Variants in MSI2 observed in about 807,000 individuals in gnomAD.
MSI2 encodes musashi RNA binding protein 2.
In MSI2, 17 loss-of-function variants were observed where a neutral mutation model predicts 45.6. The ratio of observed to expected loss-of-function variants is 0.37; its 90% CI spans 0.26 to 0.56. MSI2 has a LOEUF of 0.56. Among genes scored for constraint, MSI2 ranks in the 20% least tolerant of loss-of-function variants. MSI2 has a pLI of 0.77. For missense variants in MSI2, 293 were observed against 444.2 expected, an observed-to-expected ratio of 0.66 and a Z score of 3.06; for synonymous variants, 156 against 158.2, an observed-to-expected ratio of 0.99 and a Z score of 0.11.
chr17:57,511,277 G>C (rs1181007350), intron 6 of MSI2, among the ~76,000 whole-genome samples: 1 of 152,172 alleles, frequency 6.6e-6, no homozygotes, highest in Non-Finnish European at 1.5e-5. Context: ...CGTCAGGGTG[G>C]AACAAAGGAA....
At chr17:57,326,901 C>T (rs1200096517) in intron 5 of MSI2, among the ~76,000 whole-genome samples, 1 of 152,136 alleles carries the variant, frequency 6.6e-6, no homozygotes, top group African/African-American at 2.4e-5. Flanking sequence ...AGTGTTTGTG[C>T]CTTCTGGCTG....
chr17:57,514,831 C>T (rs965906981), intron 6 of MSI2, among the ~76,000 whole-genome samples: 2 of 151,848 alleles, frequency 1.3e-5, no homozygotes, highest in African/African-American at 4.8e-5. Flanking sequence ...AATTTCCAAC[C>T]TCTCAGGGTC....
chr17:57,469,123 G>A (rs976268796), intron 6 of MSI2, among the ~76,000 whole-genome samples: 1 of 152,178 alleles, frequency 6.6e-6, no homozygotes, highest in Admixed American at 6.5e-5. Flanking sequence ...GCCTCTTTGT[G>A]CTCTGAAATC....
At chr17:57,430,134 T>C (rs1162781044) in intron 6 of MSI2, among the ~76,000 whole-genome samples, 2 of 152,194 alleles carry the variant, frequency 1.3e-5, no homozygotes, top group Non-Finnish European at 2.9e-5. Flanking sequence ...TTGAGGTTGT[T>C]AGCGTGTGAC....
At chr17:57,419,189 T>C (rs879818762) in intron 6 of MSI2, among the ~76,000 whole-genome samples, 17 of 151,766 alleles carry the variant, frequency 1.1e-4, no homozygotes, top group African/African-American at 3.6e-4. Context: ...GGTTTTCTTT[T>C]TTTTTTTTTT....
chr17:57,542,083 G>T (rs1199323717), intron 7 of MSI2, among the ~76,000 whole-genome samples: 1 of 152,158 alleles, frequency 6.6e-6, no homozygotes, highest in Admixed American at 6.5e-5. Flanking sequence ...TCGGGACCCA[G>T]AATAGACACA....
At chr17:57,402,540 C>A (rs1288144089) in intron 6 of MSI2, among the ~76,000 whole-genome samples, 1 of 152,182 alleles carries the variant, frequency 6.6e-6, no homozygotes, top group Admixed American at 6.5e-5. Flanking sequence ...GGCACAGCCA[C>A]CCACTGGCCA....
intron 6 of MSI2, among the ~76,000 whole-genome samples, chr17:57,495,548 A>G (rs115137870): frequency 4.1e-5 from 6 of 145,372 alleles, no homozygotes; most frequent in African/African-American, 8.1e-5. Context: ...AAAAAAAAAA[A>G]AAAAGAAAGC....
chr17:57,455,414 T>C (rs922786190), intron 6 of MSI2, among the ~76,000 whole-genome samples: 1 of 152,192 alleles, frequency 6.6e-6, no homozygotes, highest in African/African-American at 2.4e-5. Flanking sequence ...CTTTTGCCTT[T>C]GTGAAAACCA....
Position 57,265,934 on chromosome 17 carries a change from G to A in MSI2, c.312+3742G>A, listed in dbSNP as rs535279677. 1.1e-4 allele frequency: 16 copies of A among 152,292 alleles called. 1 individual carries two copies. The highest frequency in any genetic ancestry group is 9.8e-4 in the Admixed American group (15 of 15,304). 9.4% of individuals were successfully genotyped at this position (152,292 alleles called of 1,614,324 possible). A position where few individuals can be genotyped will look rare whatever the true frequency, so the allele number is the denominator to read the frequency against. ...GGCTGTCTGGAAGAGTTTTGCTTGA[G>A]CTCGTGGGTTATTTTCTTCTATGTG... On this transcript the variant is annotated intron_variant, in intron 5 of 13. Coordinates refer to ENST00000284073, the MANE Select transcript of MSI2 (RefSeq NM_138962.4).
chr17:57,531,377 T>C (rs989854730), intron 7 of MSI2, among the ~76,000 whole-genome samples: 1 of 152,220 alleles, frequency 6.6e-6, no homozygotes, highest in Non-Finnish European at 1.5e-5. Context: ...GCTCTTATTA[T>C]TAGCGTTATC....
intron 10 of MSI2, among the ~76,000 whole-genome samples, chr17:57,634,179 C>A (rs1166077396): frequency 6.6e-6 from 1 of 152,182 alleles, no homozygotes; most frequent in East Asian, 1.9e-4. Context: ...GAGAGGGAAG[C>A]TCTGGCCAGG....
intron 9 of MSI2, chr17:57,625,724 C>T (rs1016537301): frequency 1.3e-5 from 2 of 152,234 alleles, no homozygotes; most frequent in African/African-American, 4.8e-5. Flanking sequence ...ACAGAAACAA[C>T]CCTGGCTGCT....
intron 7 of MSI2, among the ~76,000 whole-genome samples, chr17:57,573,191 T>C (rs964921155): frequency 2.0e-5 from 3 of 152,226 alleles, no homozygotes; most frequent in Non-Finnish European, 4.4e-5. Context: ...TGTAAAGATA[T>C]TGCCTTACAT....
chr17:57,276,790 G>A (rs1221281066), intron 5 of MSI2, among the ~76,000 whole-genome samples: 4 of 152,136 alleles, frequency 2.6e-5, no homozygotes, highest in Non-Finnish European at 5.9e-5. Context: ...TTTCTCTGAG[G>A]CAAGTCCCTG....
intron 10 of MSI2, among the ~76,000 whole-genome samples, chr17:57,641,391 A>C (rs1005800146): frequency 3.3e-5 from 5 of 152,118 alleles, no homozygotes; most frequent in Non-Finnish European, 7.3e-5. Context: ...TCATTGAAAA[A>C]GCCCACGTGA....
chr17:57,485,497 G>T (rs2085734941), intron 6 of MSI2, among the ~76,000 whole-genome samples: 1 of 152,240 alleles, frequency 6.6e-6, no homozygotes, highest in African/African-American at 2.4e-5. Context: ...GCCACGCATG[G>T]AAGGGAAGGA....
chr17:57,575,616 C>T (rs1480411609), intron 7 of MSI2, among the ~76,000 whole-genome samples: 1 of 152,146 alleles, frequency 6.6e-6, no homozygotes, highest in Non-Finnish European at 1.5e-5. Flanking sequence ...TTCAGCTAAG[C>T]AGATTCCACT....
At chr17:57,480,126 C>G (rs969149987) in intron 6 of MSI2, among the ~76,000 whole-genome samples, 1 of 152,106 alleles carries the variant, frequency 6.6e-6, no homozygotes, top group African/African-American at 2.4e-5. Flanking sequence ...TGCCCACCAC[C>G]ATGCTCGTTT....
Sources: gnomAD v4.1 joint callset for allele counts (sites outside exome capture counted in the v4.1 genomes callset) on GRCh38, gnomAD v4.1.1 for gene constraint, MANE v1.5 for transcripts, NCBI Gene and HGNC (gene_info 2026-07-23, HGNC 2026-07-21) for gene names.